GALNT1: variants seen among roughly 807,000 people sequenced by gnomAD.
GALNT1 encodes polypeptide N-acetylgalactosaminyltransferase 1, also known as GalNAc transferase 1.
Under a neutral mutation model 65.7 loss-of-function variants are expected in GALNT1, and 17 were observed. The observed-to-expected ratio is 0.26, with a 90% confidence interval of 0.18 to 0.39. The LOEUF is 0.39. Among genes scored for constraint, GALNT1 ranks in the 10% least tolerant of loss-of-function variants. The pLI is 1.00. For missense variants in GALNT1, 460 were observed against 672.8 expected (o/e 0.68, Z 3.50); for synonymous variants, 210 against 219.7 (o/e 0.96, Z 0.39).
rs199848280 is a variant in GALNT1, at chr18:35,581,753, C to CGGCGCGGCGGACGGCG, written c.-212_-211insGCGCGGCGGACGGCGG. Reference sequence around the variant, plus strand: ...GGAGCCGCCGGCAGTGGCCGAGGAGCGCGCGGCGGACGGCGGCCCGAGAGT... The same window carrying CGGCGCGGCGGACGGCG: ...GGAGCCGCCGGCAGTGGCCGAGGAGCGGCGCGGCGGACGGCGGCGCGGCGGACGGCGGCCCGAGAGT... On this transcript the variant is annotated 5_prime_UTR_variant, in exon 1 of 12. Coordinates refer to ENST00000269195, the MANE Select transcript of GALNT1 (RefSeq NM_020474.4). 1 of 142,610 alleles carries CGGCGCGGCGGACGGCG rather than the reference C, an allele frequency of 7.0e-6. No homozygotes were observed. Among genetic ancestry groups the CGGCGCGGCGGACGGCG allele is most frequent in the Non-Finnish European group, 1.5e-5 (1 of 64,776 alleles). 8.8% of individuals were successfully genotyped at this position (142,610 alleles called of 1,614,324 possible).
intron 1 of GALNT1, among the ~76,000 whole-genome samples, chr18:35,614,824 A>G (rs2046762727): frequency 6.6e-6 from 1 of 152,176 alleles, no homozygotes; most frequent in African/African-American, 2.4e-5. Context: ...AACTAGCAGC[A>G]TACAATAATA....
intron 1 of GALNT1, among the ~76,000 whole-genome samples, chr18:35,600,036 G>A (rs763257248): frequency 1.6e-4 from 25 of 151,990 alleles, no homozygotes; most frequent in Non-Finnish European, 2.2e-4. Flanking sequence ...ATTTAGGATC[G>A]TCTTTTCTAT....
chr18:35,650,869 A>G (rs1234189634), intron 1 of GALNT1, among the ~76,000 whole-genome samples: 1 of 152,160 alleles, frequency 6.6e-6, no homozygotes, highest in African/African-American at 2.4e-5. Flanking sequence ...GGCGACATTC[A>G]TTCTCAGCTT....
At chr18:35,661,477 G>A (rs184831090) in intron 2 of GALNT1, among the ~76,000 whole-genome samples, 1 of 151,140 alleles carries the variant, frequency 6.6e-6, no homozygotes, top group East Asian at 2.0e-4. Flanking sequence ...TCTAGTTTGG[G>A]TGACAGAGCG....
intron 9 of GALNT1, among the ~76,000 whole-genome samples, chr18:35,695,678 C>G (rs2048044330): frequency 1.3e-5 from 2 of 152,108 alleles, no homozygotes; most frequent in South Asian, 2.1e-4. Flanking sequence ...TACCTCTGAA[C>G]CTTGTTGTGA....
At chr18:35,613,819 T>A (rs1451061754) in intron 1 of GALNT1, among the ~76,000 whole-genome samples, 1 of 151,904 alleles carries the variant, frequency 6.6e-6, no homozygotes, top group Non-Finnish European at 1.5e-5. Context: ...AAATTATAAC[T>A]GCAGTTCCAC....
At chr18:35,634,867 A>G (rs1039374160) in intron 1 of GALNT1, among the ~76,000 whole-genome samples, 1 of 152,208 alleles carries the variant, frequency 6.6e-6, no homozygotes, top group Non-Finnish European at 1.5e-5. Context: ...TCGACAACCA[A>G]GTCCTTCTAA....
At chr18:35,606,486 T>G (rs145957213) in intron 1 of GALNT1, among the ~76,000 whole-genome samples, 1 of 152,190 alleles carries the variant, frequency 6.6e-6, no homozygotes, top group Non-Finnish European at 1.5e-5. Flanking sequence ...TTATCCTCAT[T>G]ATTTTCTTAG....
intron 1 of GALNT1, among the ~76,000 whole-genome samples, chr18:35,644,341 A>G (rs2047203028): frequency 6.6e-6 from 1 of 152,208 alleles, no homozygotes; most frequent in Non-Finnish European, 1.5e-5. Flanking sequence ...TCTCAGTGCT[A>G]AATTTCGATC....
intron 1 of GALNT1, among the ~76,000 whole-genome samples, chr18:35,605,411 T>G (rs1177236725): frequency 5.9e-5 from 9 of 151,442 alleles, no homozygotes; most frequent in Non-Finnish European, 1.3e-4. Context: ...GGCAGGAAAA[T>G]TGCTTGAACT....
chr18:35,643,920 G>T (rs16966945), intron 1 of GALNT1, among the ~76,000 whole-genome samples: 14,510 of 152,012 alleles, frequency 0.095, 834 homozygotes, highest in African/African-American at 0.17. Flanking sequence ...TTTTCTGTTT[G>T]CCAGGTTCTT....
intron 1 of GALNT1, chr18:35,591,758 T>C (rs757465240): frequency 6.5e-6 from 1 of 154,402 alleles, no homozygotes; most frequent in Non-Finnish European, 1.5e-5. Flanking sequence ...GTGATTGCTA[T>C]TTCAAAAGAC....
At chr18:35,698,396 G>T (rs778422791) in intron 9 of GALNT1, among the ~76,000 whole-genome samples, 11 of 152,184 alleles carry the variant, frequency 7.2e-5, no homozygotes, top group African/African-American at 2.4e-4. Flanking sequence ...TTGAACCTTG[G>T]GGGTAGAGGT....
intron 1 of GALNT1, among the ~76,000 whole-genome samples, chr18:35,637,972 C>T (rs1457968962): frequency 6.6e-6 from 1 of 152,220 alleles, no homozygotes; most frequent in South Asian, 2.1e-4. Context: ...TATCTGTTTA[C>T]AACATGGTTT....
intron 5 of GALNT1, 70 bp downstream of exon 5, chr18:35,683,668 T>G: frequency 2.6e-6 from 3 of 1,167,490 alleles, no homozygotes; most frequent in Non-Finnish European, 3.6e-6. Context: ...GTTGCCAAAT[T>G]CTATATTTTT....
chr18:35,637,627 T>G (rs1598791551), intron 1 of GALNT1, among the ~76,000 whole-genome samples: 2 of 152,204 alleles, frequency 1.3e-5, no homozygotes, highest in East Asian at 3.8e-4. Flanking sequence ...AAAACAAGTG[T>G]TGTTGTAGAA....
At chr18:35,675,671 A>G (rs532787918) in intron 3 of GALNT1, among the ~76,000 whole-genome samples, 1 of 152,120 alleles carries the variant, frequency 6.6e-6, no homozygotes, top group South Asian at 2.1e-4. Flanking sequence ...TACATCTTTC[A>G]TGCATCACTT....
In GALNT1 at chr18:35,654,768, G is replaced by GA. The variant is rs1225897793; in HGVS notation, c.113dup (p.Glu39GlyfsTer18). On this transcript the variant is annotated frameshift_variant, in exon 2 of 12. Transcript: ENST00000269195. LOFTEE classifies it high-confidence loss of function. ...CTTCAGTGAATGCAACAAATGTGAT[G>GA]AAAAAAAGGAGAGAGGACTTCCTGC... 9.0e-6 allele frequency: 14 copies of GA among 1,560,564 alleles called. No homozygotes were observed. Among genetic ancestry groups the GA allele is most frequent in the African/African-American group, 2.7e-5 (2 of 72,784 alleles).
At chr18:35,603,227 C>T (rs1177004453) in intron 1 of GALNT1, among the ~76,000 whole-genome samples, 1 of 152,136 alleles carries the variant, frequency 6.6e-6, no homozygotes, top group Admixed American at 6.6e-5. Flanking sequence ...TGGCCTTTCA[C>T]CTTGACCTCA....
Sources: gnomAD v4.1 joint callset for allele counts (sites outside exome capture counted in the v4.1 genomes callset) on GRCh38, gnomAD v4.1.1 for gene constraint, MANE v1.5 for transcripts, NCBI Gene and HGNC (gene_info 2026-07-23, HGNC 2026-07-21) for gene names.